The following PCNX3 variants were observed in gnomAD, a reference collection of about 807,000 sequenced individuals.
PCNX3 encodes the protein pecanex-like protein 3.
PCNX3 carries 58 observed loss-of-function variants against 207.2 expected under a neutral mutation model. The ratio of observed to expected loss-of-function variants is 0.28; its 90% CI spans 0.23 to 0.35. The LOEUF (loss-of-function observed/expected upper bound fraction) is 0.35. Among genes scored for constraint, PCNX3 ranks in the 10% least tolerant of loss-of-function variants. The pLI, the probability that PCNX3 is intolerant of heterozygous loss-of-function variation, is 1.00. For synonymous variants in PCNX3, 1,337 were observed against 1,183.5 expected, an observed-to-expected ratio of 1.13 and a Z score of -2.66; for missense variants, 2,410 against 2,774.4, an observed-to-expected ratio of 0.87 and a Z score of 2.95.
At position 65,630,347 on chromosome 11, in the gene PCNX3, A is replaced by C. The variant is rs946190651; in HGVS notation, c.4217-4A>C. The C allele has an allele frequency of 3.1e-6, 5 of 1,612,608 alleles. No individual in the cohort carries two copies. Among genetic ancestry groups the C allele is most frequent in the Non-Finnish European group, 1.7e-6 (2 of 1,179,732 alleles). The stretch of plus-strand genomic sequence containing the variant: ...GCCCCTGACTGCACACCCCTCCTCC[A>C]CAGGCACTTACTGCCAGCAGCGCGA... On this transcript the variant is annotated splice_region_variant and splice_polypyrimidine_tract_variant and intron_variant, in intron 26 of 34. Transcript: ENST00000355703.
At position 65,619,446 on chromosome 11, in the gene PCNX3, T is replaced by C. The variant is rs1285177641; in HGVS notation, c.1706-91T>C. The C allele has an allele frequency of 3.3e-6, 5 of 1,532,984 alleles. No homozygotes were observed. In the Admixed American group the frequency reaches 9.4e-5, roughly 29 times the overall value. The allele number at this position is 1,532,984 out of a possible 1,614,324, so 95.0% of individuals were successfully genotyped here. ...CCGGGGCGTGGTTGTACTAGGCCTTTAGCTCCCTGGCGGAACACCGTCCCC... is the reference window on the plus strand; with the variant it reads ...CCGGGGCGTGGTTGTACTAGGCCTTCAGCTCCCTGGCGGAACACCGTCCCC... On this transcript the variant is annotated intron_variant, in intron 6 of 34. Transcript: ENST00000355703.
intron 13 of PCNX3, 48 bp from the exon 14 acceptor site, chr11:65,624,147 G>A (rs769316039): frequency 1.3e-5 from 20 of 1,577,398 alleles, no homozygotes; most frequent in Non-Finnish European, 1.7e-5. Flanking sequence ...ATGTGTCAGA[G>A]GTGTGGCCAG....
chr11:65,633,257 C>T (rs1855686886), intron 27 of PCNX3, among the ~76,000 whole-genome samples: 1 of 152,238 alleles, frequency 6.6e-6, no homozygotes, highest in Admixed American at 6.5e-5. Context: ...ATGCCAGCTA[C>T]CTGTCTTCCA....
rs1210381514 is a variant in PCNX3, at chr11:65,625,791, G to A, written c.3228+47G>A. ...GCTGCCTCTCGCTGTCTTGGCGGGA[G>A]CCTGCTCAATCTGAGTGCCGTGGGC... is the stretch of plus-strand genomic sequence containing the variant. On this transcript the variant is annotated intron_variant, in intron 19 of 34. Coordinates refer to ENST00000355703, the MANE Select transcript of PCNX3 (RefSeq NM_032223.4). The surrounding 1 kb of genome is among the most constrained non-coding windows in gnomAD (Gnocchi z 5.6). 1.9e-6 allele frequency: 3 copies of A among 1,598,532 alleles called. No homozygotes were observed. The highest frequency in any genetic ancestry group is 2.7e-5 in the African/African-American group (2 of 74,876).
rs748941780 is a variant in PCNX3 at position 65,618,182 on chromosome 11, A to G, written c.820A>G (p.Arg274Gly). The G allele has an allele frequency of 2.2e-5, 35 of 1,603,464 alleles. No individual in the cohort carries two copies. Among genetic ancestry groups the G allele is most frequent in the Non-Finnish European group, 2.8e-5 (33 of 1,173,860 alleles). ...GACCAGCAGTCGACGGGAACAACGC[A>G]GGGGGGCAGGTGGCTATCAGCCCCT... ...VRTSSRREQRRGAGGYQPLDR... is the reference protein window; with the variant it reads ...VRTSSRREQRGGAGGYQPLDR... The change falls in exon 6 of 35, where the codon AGG becomes GGG. Residue 274 changes from arginine to glycine, a missense_variant. Physicochemically the swap from Arg to Gly is moderately radical, Grantham distance 125 (BLOSUM62 -2). This residue lies in a region of PCNX3 where 1,104 missense variants were observed against 970.3 expected (regional missense o/e 1.14). Transcript: ENST00000355703.
intron 23 of PCNX3, 44 bp from the exon 24 acceptor site, chr11:65,628,775 G>GGGGGGGGGGGGGGGGC: frequency 6.7e-6 from 10 of 1,500,434 alleles, no homozygotes; most frequent in East Asian, 2.4e-5. Context: ...GTGGTGGGGG[G>GGGGGGGGGGGGGGGGC]CTGGGAGGTC....
In PCNX3 at chr11:65,619,603, G is replaced by A. The variant is rs778949590; in HGVS notation, c.1772G>A (p.Arg591His). 9.3e-6 allele frequency: 15 copies of A among 1,606,450 alleles called. No individual in the cohort carries two copies. The East Asian group carries it at 1.3e-4, about 14-fold the overall frequency. The part of the protein sequence containing the change: ...SVRRTQAIRR[R>H]HNAGSNPTPP... ...AGGCGGACCCAGGCCATTCGGAGAC[G>A]CCACAATGCAGGCAGCAACCCCACC... The change falls in exon 7 of 35, where the codon CGC (arginine) becomes CAC (histidine). Residue 591 changes from arginine to histidine, a missense_variant. By Grantham distance (29) the Arg-to-His change is conservative. Coordinates refer to ENST00000355703, the MANE Select transcript of PCNX3 (RefSeq NM_032223.4).
At chr11:65,627,377 G>T (rs1341570028) in intron 21 of PCNX3, 28 bp from the exon 22 acceptor site, 9 of 1,599,268 alleles carry the variant, frequency 5.6e-6, no homozygotes, top group Non-Finnish European at 6.8e-6. Flanking sequence ...CCCCTACCAA[G>T]CACCCGATGC....
At chr11:65,631,794 G>A (rs1278051527) in intron 27 of PCNX3, among the ~76,000 whole-genome samples, 1 of 152,104 alleles carries the variant, frequency 6.6e-6, no homozygotes, top group East Asian at 1.9e-4. Context: ...GGGCTCGGTG[G>A]GTGGCCTACT....
Position 65,616,805 on chromosome 11 carries a change from G to A in PCNX3, c.154-19G>A. 6.2e-7 allele frequency: 1 copy of A among 1,604,032 alleles called. No homozygotes were observed. The highest frequency in any genetic ancestry group is 8.5e-7 in the Non-Finnish European group (1 of 1,172,318). On this transcript the variant is annotated intron_variant, in intron 1 of 34. Coordinates refer to ENST00000355703, the MANE Select transcript of PCNX3 (RefSeq NM_032223.4). Reference sequence around the variant, plus strand: ...GGCGAGGCTTTGTGAAAAGGGACCTGGCTTACTTTCATCTTCAGGTCCTGC... The same window carrying A: ...GGCGAGGCTTTGTGAAAAGGGACCTAGCTTACTTTCATCTTCAGGTCCTGC...
chr11:65,616,411 T>C lies in PCNX3; in HGVS notation c.100T>C (p.Phe34Leu). ...DPHQSTFSNC[F>L]HLYVWIFLLI... The stretch of plus-strand genomic sequence containing the variant: ...GCACCAGAGCACCTTCTCCAACTGC[T>C]TCCACCTCTATGTCTGGATCTTCCT... Residue 34 changes from phenylalanine to leucine, a missense_variant, in exon 1 of 35, where the codon TTC becomes CTC. Around this residue, in one of 8 missense-constraint regions of PCNX3, gnomAD observed 1,104 missense variants for 970.3 expected, o/e 1.14. Transcript: ENST00000355703. The C allele has an allele frequency of 1.9e-6, 3 of 1,610,794 alleles. No homozygotes were observed. Among genetic ancestry groups the C allele is most frequent in the Non-Finnish European group, 2.5e-6 (3 of 1,179,548 alleles).
At chr11:65,619,379 GA>G in intron 6 of PCNX3, 157 bp from the exon 7 acceptor site, 1 of 942,902 alleles carries the variant, frequency 1.1e-6, no homozygotes. Flanking sequence ...TGCAAGTAAG[GA>G]AACTGAGCAT....
chr11:65,630,418 C>T lies in PCNX3; in HGVS notation c.4284C>T (p.Cys1428=). 1 of 1,613,580 alleles carries T rather than the reference C, an allele frequency of 6.2e-7. No individual in the cohort carries two copies. The highest frequency in any genetic ancestry group is 8.5e-7 in the Non-Finnish European group (1 of 1,179,890). Reference sequence around the variant, plus strand: ...GTGTGGAGGAGGACGAGGGCTGTTGCTGCTGTGAACCTGGCCACCTGCCAC... The same window carrying T: ...GTGTGGAGGAGGACGAGGGCTGTTGTTGCTGTGAACCTGGCCACCTGCCAC... ...TEGVEEDEGC[C]CCEPGHLPRV... The change falls in exon 27 of 35, where the codon TGC becomes TGT. Residue 1428 remains cysteine, a synonymous_variant. Transcript: ENST00000355703.
chr11:65,620,919 G>A lies in PCNX3; in HGVS notation c.2188G>A (p.Val730Ile). The A allele has an allele frequency of 1.3e-6, 2 of 1,560,928 alleles. No homozygotes were observed. The highest frequency in any genetic ancestry group is 1.7e-6 in the Non-Finnish European group (2 of 1,153,180). ...GAACCTGCTGCAGCCGAGGCCTGTG[G>A]TTCTGCAGGGCATGCAGGTGCGCCG... ...GLNLLQPRPV[V>I]LQGMQVRRVP... The change falls in exon 10 of 35, where the codon GTT becomes ATT. Residue 730 changes from valine to isoleucine, a missense_variant. Coordinates refer to ENST00000355703, the MANE Select transcript of PCNX3 (RefSeq NM_032223.4).
Position 65,637,056 on chromosome 11 carries a change from AC to A in PCNX3, c.*79del. ...TGCTGCCTCTCTGCTGGACCACAGA[AC>A]TGAGTGGCTTTGGCCTACATGTCTG... On this transcript the variant is annotated 3_prime_UTR_variant, in exon 35 of 35. Coordinates refer to ENST00000355703, the MANE Select transcript of PCNX3 (RefSeq NM_032223.4). 3 of 1,453,366 alleles carry A rather than the reference AC, an allele frequency of 2.1e-6. No individual in the cohort carries two copies. The highest frequency in any genetic ancestry group is 2.8e-6 in the Non-Finnish European group (3 of 1,079,708). The allele number at this position is 1,453,366 out of a possible 1,614,324, so 90.0% of individuals were successfully genotyped here. A position where few individuals can be genotyped will look rare whatever the true frequency, so the allele number is the denominator to read the frequency against.
intron 29 of PCNX3, 80 bp downstream of exon 29, chr11:65,634,721 A>C: frequency 7.4e-7 from 1 of 1,358,456 alleles, no homozygotes; most frequent in Non-Finnish European, 1.0e-6. Context: ...GTCTCTGGCC[A>C]CAGTGGCCAC....
chr11:65,622,450 C>A, intron 11 of PCNX3, 84 bp downstream of exon 11: 1 of 1,445,864 alleles, frequency 6.9e-7, no homozygotes, highest in Non-Finnish European at 9.2e-7. Context: ...TGGAGGCAGT[C>A]ATGGCAGCAG....
At chr11:65,627,131 G>C in intron 21 of PCNX3, 83 bp downstream of exon 21, 1 of 1,434,364 alleles carries the variant, frequency 7.0e-7, no homozygotes, top group South Asian at 1.5e-5. Context: ...GAGAGGGAAT[G>C]AATCATGTCT....
At position 65,622,253 on chromosome 11, in the gene PCNX3, A is replaced by G. The variant is rs1317873662; in HGVS notation, c.2244A>G (p.Thr748=). The G allele has an allele frequency of 6.2e-7, 1 of 1,604,560 alleles. No homozygotes were observed. The highest frequency in any genetic ancestry group is 2.3e-5 in the East Asian group (1 of 44,404). The change falls in exon 11 of 35, where the codon ACA becomes ACG. Residue 748 remains threonine (T), a synonymous_variant. Coordinates refer to ENST00000355703, the MANE Select transcript of PCNX3 (RefSeq NM_032223.4). ...RVPLEIPEEQ[T]LMEEAPPRAQ... Reference sequence around the variant, plus strand: ...CCCTGCACGAATCCCAGGAGCAGACACTGATGGAAGAAGCGCCACCCCGGG... The same window carrying G: ...CCCTGCACGAATCCCAGGAGCAGACGCTGATGGAAGAAGCGCCACCCCGGG...
Sources: allele counts gnomAD v4.1 joint callset (sites outside exome capture counted in the v4.1 genomes callset), GRCh38; gene constraint gnomAD v4.1.1; regional missense constraint gnomAD v4.1.1; non-coding constraint Gnocchi (gnomAD v3.1); transcripts MANE v1.5; gene names NCBI Gene and HGNC (gene_info 2026-07-23, HGNC 2026-07-21).